The following PPARGC1A variants were observed in gnomAD, a reference collection of about 807,000 sequenced individuals.
PPARGC1A encodes the protein PPARG coactivator 1 alpha.
PPARGC1A carries 25 observed loss-of-function variants against 88.7 expected under a neutral mutation model. The observed-to-expected ratio is 0.28, with a 90% CI of 0.21 to 0.39. The LOEUF (loss-of-function observed/expected upper bound fraction) is 0.39. Among genes scored for constraint, PPARGC1A ranks in the 10% least tolerant of loss-of-function variants. PPARGC1A has a pLI of 1.00. For missense variants in PPARGC1A, 880 were observed against 968.7 expected, an observed-to-expected ratio of 0.91 and a Z score of 1.22; for synonymous variants, 363 against 355.6, an observed-to-expected ratio of 1.02 and a Z score of -0.24.
chr4:24,333,570 G>GA, the PPARGC1A span, among the ~76,000 whole-genome samples: 6 of 152,152 alleles, frequency 3.9e-5, no homozygotes, highest in Non-Finnish European at 8.8e-5. Flanking sequence ...AAACAGCAAA[G>GA]AAAAAATCAA....
chr4:23,933,514 A>G, the PPARGC1A span, among the ~76,000 whole-genome samples: 1 of 152,140 alleles, frequency 6.6e-6, no homozygotes, highest in Non-Finnish European at 1.5e-5. Context: ...AGCAAGAGAA[A>G]CTCATGTGGA....
At chr4:24,394,458 G>A in the PPARGC1A span, among the ~76,000 whole-genome samples, 1 of 152,188 alleles carries the variant, frequency 6.6e-6, no homozygotes, top group Non-Finnish European at 1.5e-5. Context: ...GAGGTGCTAA[G>A]AAGTCATTTC....
At chr4:23,946,021 C>G in the PPARGC1A span, among the ~76,000 whole-genome samples, 30 of 152,058 alleles carry the variant, frequency 2.0e-4, no homozygotes, top group Non-Finnish European at 3.4e-4. Context: ...TCCCTCCTCC[C>G]CAGGGCAGAA....
chr4:24,263,109 T>C, the PPARGC1A span, among the ~76,000 whole-genome samples: 6 of 152,144 alleles, frequency 3.9e-5, no homozygotes, highest in African/African-American at 1.4e-4. Flanking sequence ...AAAACTTGAA[T>C]CTAACCATTT....
intron 2 of PPARGC1A, among the ~76,000 whole-genome samples, chr4:23,874,795 A>G (rs1194120851): frequency 6.6e-6 from 1 of 152,130 alleles, no homozygotes; most frequent in East Asian, 1.9e-4. Context: ...GCTTTTGGTC[A>G]AGTTTTTTCC....
chr4:24,364,195 ACTCTAAAGTGTTTTCAGTTAAG>A, the PPARGC1A span, among the ~76,000 whole-genome samples: 957 of 152,246 alleles, frequency 6.3e-3, 18 homozygotes, highest in African/African-American at 0.022. Flanking sequence ...CATTCCAATG[ACTCTAAAGTGTTTTCAGTTAAG>A]ATGCTTGAGG....
the PPARGC1A span, among the ~76,000 whole-genome samples, chr4:24,013,637 C>T: frequency 2.6e-5 from 4 of 152,138 alleles, no homozygotes; most frequent in African/African-American, 9.7e-5. Flanking sequence ...CAAATATTCC[C>T]TTGCTGTCAT....
chr4:24,368,502 G>C, the PPARGC1A span, among the ~76,000 whole-genome samples: 1 of 151,932 alleles, frequency 6.6e-6, no homozygotes, highest in Non-Finnish European at 1.5e-5. Flanking sequence ...CTGAAGCTGG[G>C]TACCTAAGAT....
At chr4:24,356,957 T>A in the PPARGC1A span, among the ~76,000 whole-genome samples, 2 of 152,282 alleles carry the variant, frequency 1.3e-5, no homozygotes, top group East Asian at 3.9e-4. Context: ...CTGCTTGAGA[T>A]AAGGGAAGTA....
chr4:23,847,520 G>C (rs1383698652), intron 2 of PPARGC1A, among the ~76,000 whole-genome samples: 1 of 152,180 alleles, frequency 6.6e-6, no homozygotes, highest in Non-Finnish European at 1.5e-5. Context: ...ACTGCCATCA[G>C]ATTGAACACC....
chr4:24,356,622 T>G, the PPARGC1A span, among the ~76,000 whole-genome samples: 1 of 152,154 alleles, frequency 6.6e-6, no homozygotes. Flanking sequence ...CTCTAATAAT[T>G]TATTTCCTGA....
chr4:23,884,746 C>T lies in PPARGC1A; in HGVS notation c.234+6G>A, dbSNP rs1201089220. Reference sequence around the variant, plus strand: ...AAAAATTAATGTTTCCAAAGGATGTCCTTACCTCAAATATGTTTGAAGGCT... The same window carrying T: ...AAAAATTAATGTTTCCAAAGGATGTTCTTACCTCAAATATGTTTGAAGGCT... On this transcript the variant is annotated splice_donor_region_variant and intron_variant, in intron 2 of 12. Coordinates refer to ENST00000264867, the MANE Select transcript of PPARGC1A (RefSeq NM_013261.5). 3.7e-6 allele frequency: 6 copies of T among 1,604,496 alleles called. No individual in the cohort carries two copies. The highest frequency in any genetic ancestry group is 5.1e-6 in the Non-Finnish European group (6 of 1,174,110).
chr4:24,195,645 T>A, the PPARGC1A span, among the ~76,000 whole-genome samples: 1 of 152,218 alleles, frequency 6.6e-6, no homozygotes, highest in Admixed American at 6.5e-5. Flanking sequence ...ATAAATTCAA[T>A]ACTTATTCCT....
the PPARGC1A span, among the ~76,000 whole-genome samples, chr4:24,177,505 T>C: frequency 2.0e-5 from 3 of 151,866 alleles, no homozygotes. Flanking sequence ...TTAGGAGATA[T>C]ACCTAGTGTT....
At chr4:24,451,634 C>A in the PPARGC1A span, among the ~76,000 whole-genome samples, 1 of 152,148 alleles carries the variant, frequency 6.6e-6, no homozygotes. Flanking sequence ...CTGGAGTGCA[C>A]TGGCACCATC....
At chr4:24,360,793 T>C in the PPARGC1A span, among the ~76,000 whole-genome samples, 1 of 152,222 alleles carries the variant, frequency 6.6e-6, no homozygotes, top group African/African-American at 2.4e-5. Context: ...TGCTTGGATA[T>C]AGCATAAGCT....
the PPARGC1A span, among the ~76,000 whole-genome samples, chr4:24,287,207 CAA>C: frequency 6.9e-6 from 1 of 144,952 alleles, no homozygotes; most frequent in Non-Finnish European, 1.5e-5. Flanking sequence ...CAGTTGTGAC[CAA>C]AAAAAAAAAA....
the PPARGC1A span, among the ~76,000 whole-genome samples, chr4:23,945,374 G>A: frequency 1.3e-5 from 2 of 152,010 alleles, no homozygotes; most frequent in Non-Finnish European, 2.9e-5. Context: ...ACCCAGATAC[G>A]TAGTATACTG....
chr4:23,996,470 T>C, the PPARGC1A span, among the ~76,000 whole-genome samples: 1 of 152,136 alleles, frequency 6.6e-6, no homozygotes, highest in Non-Finnish European at 1.5e-5. Context: ...CTGCTTCTTG[T>C]TGCCAGGGCC....
Sources: allele counts gnomAD v4.1 joint callset (sites outside exome capture counted in the v4.1 genomes callset), GRCh38; gene constraint gnomAD v4.1.1; transcripts MANE v1.5; gene names NCBI Gene and HGNC (gene_info 2026-07-23, HGNC 2026-07-21).